The following DHCR24 variants were observed in gnomAD, a reference collection of about 807,000 sequenced individuals.
The protein encoded by DHCR24 is 24-dehydrocholesterol reductase.
DHCR24 carries 28 observed loss-of-function variants against 61.2 expected under a neutral mutation model. The ratio of observed to expected loss-of-function variants is 0.46; its 90% CI spans 0.34 to 0.63. The LOEUF (loss-of-function observed/expected upper bound fraction) is 0.63, where lower values mean the gene tolerates loss of function less well. DHCR24 is among the 20% of genes least tolerant of loss of function. The probability of loss-of-function intolerance (pLI) is 0.01; values close to 1 mark genes in which losing one functional copy is unlikely to be tolerated. For missense variants in DHCR24, 538 were observed against 679.1 expected (o/e 0.79, Z 2.31); for synonymous variants, 261 against 275.9 (o/e 0.95, Z 0.54).
At chr1:54,854,998 C>T (rs1646898930) in intron 6 of DHCR24, among the ~76,000 whole-genome samples, 1 of 152,188 alleles carries the variant, frequency 6.6e-6, no homozygotes, top group African/African-American at 2.4e-5. Flanking sequence ...CAATCCTCCT[C>T]CCTGCTTGAG....
rs1647052099 is a variant in DHCR24, at chr1:54,879,322, G to GGGAAAAA, written c.388-3276_388-3275insTTTTTCC. Among the ~76,000 whole-genome samples the GGGAAAAA allele has an allele frequency of 2.8e-5, 3 of 108,502 alleles. 1 individual carries two copies. The highest frequency in any genetic ancestry group is 1.8e-5 in the Non-Finnish European group (1 of 56,326). The allele number at this position is 108,502 out of a possible 152,430, so 71.2% of individuals were successfully genotyped here. Reference sequence around the variant, plus strand: ...TGGAGGACAGAGCAAGACTCCATCTGAAAAAAAAAAAAAAAAAAAAAAAAA... The same window carrying GGGAAAAA: ...TGGAGGACAGAGCAAGACTCCATCTGGGAAAAAAAAAAAAAAAAAAAAAAAAAAAAAA... On this transcript the variant is annotated intron_variant, in intron 2 of 8. Coordinates refer to ENST00000371269, the MANE Select transcript of DHCR24 (RefSeq NM_014762.4).
chr1:54,872,979 G>T (rs1335403055), intron 4 of DHCR24, among the ~76,000 whole-genome samples: 1 of 152,098 alleles, frequency 6.6e-6, no homozygotes, highest in Admixed American at 6.5e-5. Flanking sequence ...CATCCCAGGG[G>T]TCCCTCACAC....
At chr1:54,877,159 T>C (rs1010631046) in intron 2 of DHCR24, among the ~76,000 whole-genome samples, 1 of 151,896 alleles carries the variant, frequency 6.6e-6, no homozygotes. Context: ...GTTCCCAGCT[T>C]GACTTTTCCC....
rs149135890 is a variant in DHCR24, at chr1:54,875,186, G to A, written c.519C>T (p.Ile173=). The A allele has an allele frequency of 3.7e-6, 6 of 1,614,060 alleles. No individual in the cohort carries two copies. Among genetic ancestry groups the A allele is most frequent in the South Asian group, 1.1e-5 (1 of 91,092 alleles). Residue 173 remains isoleucine, a synonymous_variant, in exon 4 of 9, where the codon ATC becomes ATT. Coordinates refer to ENST00000371269, the MANE Select transcript of DHCR24 (RefSeq NM_014762.4). ...TVGGLIMGTG[I]ESSSHKYGLF... ...GGCCGTACTTGTGGGATGATGACTC[G>A]ATGCCTGTGCCCATGATCAAGCCCC...
At chr1:54,872,772 T>C (rs965283877) in intron 4 of DHCR24, among the ~76,000 whole-genome samples, 6 of 152,134 alleles carry the variant, frequency 3.9e-5, no homozygotes. Flanking sequence ...TCTCTGCCGA[T>C]AATAAATAGG....
chr1:54,875,214 G>A lies in DHCR24; in HGVS notation c.494-3C>T. 1.2e-6 allele frequency: 2 copies of A among 1,614,014 alleles called. No individual in the cohort carries two copies. Among genetic ancestry groups the A allele is most frequent in the Non-Finnish European group, 1.7e-6 (2 of 1,179,850 alleles). On this transcript the variant is annotated splice_region_variant and splice_polypyrimidine_tract_variant and intron_variant, in intron 3 of 8. Transcript: ENST00000371269. ...GCCTGTGCCCATGATCAAGCCCCCT[G>A]CAGAGACATCACACACAGTGTCAGC...
chr1:54,869,639 C>A (rs1646986440), intron 5 of DHCR24, among the ~76,000 whole-genome samples: 1 of 151,956 alleles, frequency 6.6e-6, no homozygotes, highest in Non-Finnish European at 1.5e-5. Flanking sequence ...TGGTGGCTCA[C>A]ACCTGTAATC....
chr1:54,856,193 C>G (rs934005370), intron 6 of DHCR24, among the ~76,000 whole-genome samples: 20 of 152,148 alleles, frequency 1.3e-4, no homozygotes, highest in African/African-American at 4.6e-4. Flanking sequence ...GTTGTGTGTT[C>G]CTTTACAAAT....
chr1:54,856,222 G>A (rs998056124), intron 6 of DHCR24, among the ~76,000 whole-genome samples: 18 of 152,186 alleles, frequency 1.2e-4, no homozygotes, highest in African/African-American at 3.9e-4. Context: ...GCTGCCTCCA[G>A]GCTACAAGGC....
At position 54,887,057 on chromosome 1, in the gene DHCR24, C is replaced by T. The variant is rs1200950541; in HGVS notation, c.63G>A (p.Lys21=). The T allele has an allele frequency of 6.2e-7, 1 of 1,611,886 alleles. No homozygotes were observed. The highest frequency in any genetic ancestry group is 8.5e-7 in the Non-Finnish European group (1 of 1,179,152). ...GGTGGATGAGCACGAACTCCAGCCCCTTCAGGCGCACCCACAGCAGGAAGA... is the reference window on the plus strand; with the variant it reads ...GGTGGATGAGCACGAACTCCAGCCCTTTCAGGCGCACCCACAGCAGGAAGA... ...ALLFLLWVRL[K]GLEFVLIHQR... The change falls in exon 1 of 9, where the codon AAG becomes AAA. Residue 21 remains lysine, a synonymous_variant. Transcript: ENST00000371269.
chr1:54,879,045 T>G (rs1183746685), intron 2 of DHCR24, among the ~76,000 whole-genome samples: 1 of 152,122 alleles, frequency 6.6e-6, no homozygotes, highest in African/African-American at 2.4e-5. Context: ...TCCGGCCAGG[T>G]GCAATGCCTC....
chr1:54,866,645 C>T (rs1033873645), intron 5 of DHCR24, among the ~76,000 whole-genome samples: 1 of 148,198 alleles, frequency 6.7e-6, no homozygotes, highest in African/African-American at 2.4e-5. Flanking sequence ...TCAGTCCCCA[C>T]CCATTCCCTT....
intron 1 of DHCR24, among the ~76,000 whole-genome samples, chr1:54,884,569 T>C (rs1466862401): frequency 1.3e-5 from 2 of 152,308 alleles, no homozygotes; most frequent in East Asian, 3.9e-4. Context: ...GTTTCTTTTC[T>C]GCTGAGATAG....
At chr1:54,875,884 A>G in intron 3 of DHCR24, 58 bp downstream of exon 3, 1 of 1,445,552 alleles carries the variant, frequency 6.9e-7, no homozygotes, top group Non-Finnish European at 9.7e-7. Flanking sequence ...GCCAAGGCCC[A>G]TCAGCTCCGG....
chr1:54,851,885 C>G lies in DHCR24; in HGVS notation c.*348G>C, dbSNP rs1234425815. On this transcript the variant is annotated 3_prime_UTR_variant, in exon 9 of 9. Coordinates refer to ENST00000371269, the MANE Select transcript of DHCR24 (RefSeq NM_014762.4). ...CACTTACCCAGCACCTTCAATGTGA[C>G]CAGTGCTCAACTCAGATGACAACAA... 2.1e-5 allele frequency: 7 copies of G among 335,202 alleles called. No individual in the cohort carries two copies. Among genetic ancestry groups the G allele is most frequent in the Non-Finnish European group, 4.0e-5 (7 of 175,564 alleles). The allele number at this position is 335,202 out of a possible 1,614,324, so 20.8% of individuals were successfully genotyped here. A position where few individuals can be genotyped will look rare whatever the true frequency, so the allele number is the denominator to read the frequency against.
intron 2 of DHCR24, among the ~76,000 whole-genome samples, chr1:54,879,895 G>GA (rs1041130834): frequency 1.3e-5 from 2 of 150,870 alleles, no homozygotes; most frequent in Non-Finnish European, 3.0e-5. Flanking sequence ...ATTTATATTA[G>GA]AAAAAAAAGG....
rs754074139 is a variant in DHCR24 at position 54,853,579 on chromosome 1, G to C, written c.1252C>G (p.Pro418Ala). The C allele has an allele frequency of 6.2e-7, 1 of 1,614,050 alleles. No homozygotes were observed. The highest frequency in any genetic ancestry group is 8.5e-7 in the Non-Finnish European group (1 of 1,179,986). The part of the protein sequence containing the change: ...YPIWLCPFIL[P>A]SQPGLVHPKG... The stretch of plus-strand genomic sequence containing the variant: ...GGGTGCACTAGGCCTGGCTGGCTGG[G>C]CAGGATGAACGGACACAGCCAGATG... Residue 418 changes from proline to alanine, a missense_variant, in exon 8 of 9, where the codon CCC becomes GCC. Physicochemically the swap from Pro to Ala is conservative, Grantham distance 27. Transcript: ENST00000371269.
rs1213212783 is a variant in DHCR24, at chr1:54,887,165, A to G, written c.-46T>C. On this transcript the variant is annotated 5_prime_UTR_variant, in exon 1 of 9. Coordinates refer to ENST00000371269, the MANE Select transcript of DHCR24 (RefSeq NM_014762.4). ...GCGCTGCGGGTTCGCGCCTCCTGTC[A>G]CTGCCGCCAGCTCCGCGCCTGGCCC... is the stretch of plus-strand genomic sequence containing the variant. 6 of 1,492,848 alleles carry G rather than the reference A, an allele frequency of 4.0e-6. No individual in the cohort carries two copies. Among genetic ancestry groups the G allele is most frequent in the South Asian group, 1.2e-5 (1 of 82,556 alleles). 92.5% of individuals were successfully genotyped at this position (1,492,848 alleles called of 1,614,324 possible).
rs1647074569 is a variant in DHCR24, at chr1:54,883,372, T to C, written c.387+246A>G. Among the ~76,000 whole-genome samples, 2 of 152,194 alleles carry C rather than the reference T, an allele frequency of 1.3e-5. No individual in the cohort carries two copies. The highest frequency in any genetic ancestry group is 2.9e-5 in the Non-Finnish European group (2 of 68,038). On this transcript the variant is annotated intron_variant, in intron 2 of 8. Coordinates refer to ENST00000371269, the MANE Select transcript of DHCR24 (RefSeq NM_014762.4). This position sits in a 1 kb window ranked among gnomAD's most constrained non-coding sequence, Gnocchi z 4.3. ...ATTCCTTTTTGCCTCTCATTTTTGC[T>C]CACGAATTCCCCATTCCTGACTTCC...
Sources: allele counts gnomAD v4.1 joint callset (sites outside exome capture counted in the v4.1 genomes callset), GRCh38; gene constraint gnomAD v4.1.1; non-coding constraint Gnocchi (gnomAD v3.1); transcripts MANE v1.5; gene names NCBI Gene and HGNC (gene_info 2026-07-23, HGNC 2026-07-21).